Variants in GTF2I observed in about 807,000 individuals in gnomAD.
GTF2I encodes the protein general transcription factor IIi.
A neutral mutation model predicts 67.6 loss-of-function variants in GTF2I; 12 were observed. That is an observed-to-expected ratio of 0.18 (90% CI 0.11 to 0.29). GTF2I has a LOEUF of 0.29. Ranked by LOEUF, GTF2I falls within the 10% of genes least tolerant of loss-of-function variation. The pLI, the probability that GTF2I is intolerant of heterozygous loss-of-function variation, is 1.00. For synonymous variants in GTF2I, 149 were observed against 197.0 expected, an observed-to-expected ratio of 0.76 and a Z score of 2.04; for missense variants, 271 against 580.1, an observed-to-expected ratio of 0.47 and a Z score of 5.47.
At chr7:74,720,169 T>C (rs1254098128) in intron 12 of GTF2I, among the ~76,000 whole-genome samples, 1 of 152,230 alleles carries the variant, frequency 6.6e-6, no homozygotes, top group Non-Finnish European at 1.5e-5. Flanking sequence ...TCAGCATACA[T>C]TACAATGCAC....
chr7:74,721,856 G>GA (rs879973734), intron 12 of GTF2I, among the ~76,000 whole-genome samples: 111 of 142,840 alleles, frequency 7.8e-4, no homozygotes, highest in African/African-American at 2.0e-3. Flanking sequence ...ATGTTCAGTG[G>GA]AAAAAAAAAA....
chr7:74,705,816 G>A (rs1156938845), intron 7 of GTF2I, among the ~76,000 whole-genome samples: 2 of 151,554 alleles, frequency 1.3e-5, no homozygotes, highest in African/African-American at 2.4e-5. Flanking sequence ...CACCTGCCTC[G>A]GCCTCCCAAA....
At chr7:74,706,913 C>T (rs186417508) in intron 8 of GTF2I, among the ~76,000 whole-genome samples, 28 of 152,298 alleles carry the variant, frequency 1.8e-4, no homozygotes, top group African/African-American at 6.5e-4. Flanking sequence ...TGCAGTGGCA[C>T]GACCTCGGCT....
At chr7:74,732,868 C>T (rs1426406817) in intron 15 of GTF2I, among the ~76,000 whole-genome samples, 14 of 149,240 alleles carry the variant, frequency 9.4e-5, no homozygotes, top group South Asian at 2.1e-4. Context: ...GAACAGTGCC[C>T]GCACTGGATT....
chr7:74,696,548 A>AGT, intron 3 of GTF2I, among the ~76,000 whole-genome samples: 1 of 149,664 alleles, frequency 6.7e-6, no homozygotes, highest in East Asian at 2.0e-4. Context: ...GCTAGAGTGC[A>AGT]GTGGCACGAT....
chr7:74,669,302 C>T (rs1197086673), intron 1 of GTF2I, among the ~76,000 whole-genome samples: 1 of 141,372 alleles, frequency 7.1e-6, no homozygotes. Flanking sequence ...AATCTCAGCT[C>T]AGTACAACCT....
At chr7:74,726,031 T>G (rs1793735333) in intron 12 of GTF2I, among the ~76,000 whole-genome samples, 1 of 152,196 alleles carries the variant, frequency 6.6e-6, no homozygotes. Flanking sequence ...ATCCATGGGA[T>G]GGAGCTCCAC....
chr7:74,674,285 C>T (rs781572087), intron 1 of GTF2I, among the ~76,000 whole-genome samples: 8 of 151,864 alleles, frequency 5.3e-5, no homozygotes, highest in Admixed American at 1.3e-4. Context: ...AAGCTGGTGT[C>T]GAACTCTTGG....
chr7:74,695,996 A>ATTTTTT (rs782499083), intron 3 of GTF2I, among the ~76,000 whole-genome samples: 4 of 144,152 alleles, frequency 2.8e-5, no homozygotes, highest in Non-Finnish European at 6.1e-5. Context: ...ATTGCTAATA[A>ATTTTTT]TTTTTTTTTT....
At chr7:74,727,203 A>G (rs912506733) in intron 12 of GTF2I, 1 of 152,212 alleles carries the variant, frequency 6.6e-6, no homozygotes, top group African/African-American at 2.4e-5. Context: ...ACGGCCAGCC[A>G]GTCAATAATT....
chr7:74,728,321 AAAAC>A (rs1202708851), intron 12 of GTF2I, among the ~76,000 whole-genome samples: 2 of 151,992 alleles, frequency 1.3e-5, no homozygotes, highest in Admixed American at 1.3e-4. Context: ...AACAAAAACA[AAAAC>A]AAAAAAAAAC....
intron 2 of GTF2I, among the ~76,000 whole-genome samples, chr7:74,690,433 C>T (rs1211581647): frequency 1.3e-5 from 2 of 152,160 alleles, no homozygotes; most frequent in African/African-American, 2.4e-5. Context: ...AGTAAATACT[C>T]TGCCCACCTA....
intron 3 of GTF2I, 59 bp downstream of exon 3, chr7:74,691,170 G>T: frequency 3.4e-6 from 4 of 1,167,782 alleles, no homozygotes; most frequent in South Asian, 2.8e-5. Flanking sequence ...ATATTTGTAG[G>T]TAAGACAAGT....
intron 9 of GTF2I, 51 bp from the exon 10 acceptor site, chr7:74,714,806 A>ATT: frequency 6.3e-6 from 8 of 1,262,700 alleles, no homozygotes; most frequent in South Asian, 1.4e-5. Context: ...GTCACCCCAC[A>ATT]TTTTTTTTTG....
intron 9 of GTF2I, among the ~76,000 whole-genome samples, chr7:74,712,673 G>A (rs587754001): frequency 1.2e-4 from 17 of 139,534 alleles, no homozygotes; most frequent in Non-Finnish European, 1.5e-4. Flanking sequence ...TTTTTTTGGC[G>A]TGGGGGTGGG....
chr7:74,702,389 G>A (rs1233861388), intron 6 of GTF2I, among the ~76,000 whole-genome samples: 5 of 152,140 alleles, frequency 3.3e-5, no homozygotes, highest in East Asian at 3.9e-4. Flanking sequence ...CACCACACCC[G>A]GCTAATTTTT....
chr7:74,735,964 C>T (rs1240244905), intron 17 of GTF2I, among the ~76,000 whole-genome samples: 1 of 19,506 alleles, frequency 5.1e-5, no homozygotes, highest in Non-Finnish European at 1.2e-4. Flanking sequence ...CCACCGCGCC[C>T]GGCCCCCATT....
chr7:74,697,793 G>A (rs1350254131), intron 3 of GTF2I, among the ~76,000 whole-genome samples: 2 of 151,552 alleles, frequency 1.3e-5, no homozygotes, highest in Non-Finnish European at 2.9e-5. Flanking sequence ...TTTTTGAGAC[G>A]GAGTCTTGCT....
At chr7:74,659,534 C>T (rs782354580) in intron 1 of GTF2I, among the ~76,000 whole-genome samples, 8 of 152,070 alleles carry the variant, frequency 5.3e-5, no homozygotes, top group South Asian at 4.1e-4. Flanking sequence ...GGATTACAGG[C>T]GTGCCCACCA....
Sources: gnomAD v4.1 joint callset for allele counts (sites outside exome capture counted in the v4.1 genomes callset) on GRCh38, gnomAD v4.1.1 for gene constraint, MANE v1.5 for transcripts, NCBI Gene and HGNC (gene_info 2026-07-23, HGNC 2026-07-21) for gene names.